Variants in SMAD4 observed in about 807,000 individuals in gnomAD.
SMAD4 encodes MAD homolog 4.
Under a neutral mutation model 63.2 loss-of-function variants are expected in SMAD4, and 7 were observed. The ratio of observed to expected loss-of-function variants is 0.11; its 90% CI spans 0.06 to 0.21. The LOEUF (loss-of-function observed/expected upper bound fraction) is 0.21, where lower values mean the gene tolerates loss of function less well. Among genes scored for constraint, SMAD4 ranks in the 10% least tolerant of loss-of-function variants. The probability of loss-of-function intolerance (pLI) is 1.00; values close to 1 mark genes in which losing one functional copy is unlikely to be tolerated. For synonymous variants in SMAD4, 215 were observed against 235.4 expected (o/e 0.91, Z 0.79); for missense variants, 312 against 693.8 (o/e 0.45, Z 6.18).
intron 1 of SMAD4, among the ~76,000 whole-genome samples, chr18:51,031,110 GTTTACTTTT>G (rs1909036895): frequency 6.6e-6 from 1 of 152,122 alleles, no homozygotes; most frequent in Non-Finnish European, 1.5e-5. Flanking sequence ...GCTTTGATAT[GTTTACTTTT>G]TGAGTACTGA....
At chr18:51,076,822 T>G (rs1568211245) in intron 11 of SMAD4, 46 bp downstream of exon 11, 1 of 1,430,672 alleles carries the variant, frequency 7.0e-7, no homozygotes, top group East Asian at 2.4e-5. Flanking sequence ...TAGTTGATAT[T>G]TTTATCTTGA....
chr18:51,036,792 G>A (rs1274994108), intron 1 of SMAD4, among the ~76,000 whole-genome samples: 1 of 152,218 alleles, frequency 6.6e-6, no homozygotes, highest in African/African-American at 2.4e-5. Flanking sequence ...GGCCTAACCT[G>A]CGGGGGATTT....
Position 51,083,440 on chromosome 18 carries a change from C to T in SMAD4, c.*4973C>T. On this transcript the variant is annotated 3_prime_UTR_variant, in exon 12 of 12. Coordinates refer to ENST00000342988, the MANE Select transcript of SMAD4 (RefSeq NM_005359.6). Reference sequence around the variant, plus strand: ...ATCAGACTGGAATGAATGAATGAAACTTTTTGTCCTTTTTTTTTCTGTTTT... The same window carrying T: ...ATCAGACTGGAATGAATGAATGAAATTTTTTGTCCTTTTTTTTTCTGTTTT... 4.4e-6 allele frequency: 1 copy of T among 226,946 alleles called. No homozygotes were observed. 14.1% of individuals were successfully genotyped at this position (226,946 alleles called of 1,614,324 possible).
At chr18:51,040,502 C>A (rs1038127041) in intron 1 of SMAD4, among the ~76,000 whole-genome samples, 64 of 152,042 alleles carry the variant, frequency 4.2e-4, no homozygotes, top group East Asian at 7.7e-4. Flanking sequence ...AAAACACTTA[C>A]AACTTCTAGA....
intron 1 of SMAD4, among the ~76,000 whole-genome samples, chr18:51,042,661 G>T (rs1284976804): frequency 6.6e-6 from 1 of 151,986 alleles, no homozygotes; most frequent in East Asian, 1.9e-4. Flanking sequence ...CTCTTAAAGT[G>T]CTGGGATTAC....
intron 4 of SMAD4, 50 bp from the exon 5 acceptor site, chr18:51,054,731 T>C (rs760578129): frequency 7.6e-7 from 1 of 1,311,364 alleles, no homozygotes; most frequent in South Asian, 1.2e-5. Flanking sequence ...TTTTTTTTTC[T>C]GGGAATAGAA....
chr18:51,054,696 G>A (rs1203477675), intron 4 of SMAD4, 85 bp from the exon 5 acceptor site: 1 of 852,978 alleles, frequency 1.2e-6, no homozygotes, highest in Non-Finnish European at 1.9e-6. Context: ...GATTTTAGGT[G>A]TTATTATATT....
At position 51,080,504 on chromosome 18, in the gene SMAD4, G is replaced by T. The variant is rs1485071359; in HGVS notation, c.*2037G>T. 4.5e-6 allele frequency: 1 copy of T among 220,312 alleles called. No individual in the cohort carries two copies. The highest frequency in any genetic ancestry group is 2.2e-5 in the African/African-American group (1 of 44,682). The allele number at this position is 220,312 out of a possible 1,614,324, so 13.6% of individuals were successfully genotyped here. A position where few individuals can be genotyped will look rare whatever the true frequency, so the allele number is the denominator to read the frequency against. ...ATAACAGATTTTTAAAAATCCAGAT[G>T]ATTTGATTAAAACCTTAATCATACA... On this transcript the variant is annotated 3_prime_UTR_variant, in exon 12 of 12. Transcript: ENST00000342988.
rs569545882 is a variant in SMAD4, at chr18:51,068,522, A to G, written c.1308+1335A>G. The stretch of plus-strand genomic sequence containing the variant: ...GCATCAATTCCCTGTTAAAATTTTC[A>G]ACAATAGAGCATCAGTTATAGTCTG... On this transcript the variant is annotated intron_variant, in intron 10 of 11. Coordinates refer to ENST00000342988, the MANE Select transcript of SMAD4 (RefSeq NM_005359.6). Among the ~76,000 whole-genome samples, 7 of 152,314 alleles carry G rather than the reference A, an allele frequency of 4.6e-5. No homozygotes were observed. The East Asian group carries it at 1.3e-3, about 29-fold the overall frequency.
rs1354338409 is a variant in SMAD4, at chr18:51,058,123, A to G, written c.668-2A>G. The G allele has an allele frequency of 6.2e-7, 1 of 1,614,120 alleles. No individual in the cohort carries two copies. The highest frequency in any genetic ancestry group is 1.7e-5 in the Admixed American group (1 of 60,018). ...CATGTTAATGTCTTCTTGTTCCTCT[A>G]GGTCAGCCTGCCAGTATACTGGGGG... On this transcript the variant is annotated splice_acceptor_variant, in intron 5 of 11. Coordinates refer to ENST00000342988, the MANE Select transcript of SMAD4 (RefSeq NM_005359.6). LOFTEE classifies it high-confidence loss of function.
chr18:51,040,241 G>A (rs543206147), intron 1 of SMAD4, among the ~76,000 whole-genome samples: 2 of 152,046 alleles, frequency 1.3e-5, no homozygotes, highest in South Asian at 4.1e-4. Flanking sequence ...CCTGGCCAAC[G>A]TGGTGAAACT....
At chr18:51,059,183 T>C (rs904455708) in intron 7 of SMAD4, among the ~76,000 whole-genome samples, 1 of 152,202 alleles carries the variant, frequency 6.6e-6, no homozygotes, top group African/African-American at 2.4e-5. Flanking sequence ...GTATTGTATA[T>C]ATCTTGCTTC....
intron 1 of SMAD4, among the ~76,000 whole-genome samples, chr18:51,039,375 G>A (rs1909305404): frequency 6.6e-6 from 1 of 152,126 alleles, no homozygotes; most frequent in South Asian, 2.1e-4. Flanking sequence ...TATATCCAGG[G>A]TTTCAAGCAG....
intron 2 of SMAD4, among the ~76,000 whole-genome samples, chr18:51,048,175 T>C (rs983024876): frequency 2.6e-5 from 4 of 152,200 alleles, no homozygotes; most frequent in Non-Finnish European, 5.9e-5. Flanking sequence ...TTTTATTTTT[T>C]TGAGACATGG....
intron 3 of SMAD4, 84 bp downstream of exon 3, chr18:51,048,944 A>G: frequency 8.1e-7 from 1 of 1,227,498 alleles, no homozygotes; most frequent in Non-Finnish European, 1.2e-6. Context: ...TTAAATTATA[A>G]ATTTGGAAGA....
intron 10 of SMAD4, 36 bp from the exon 11 acceptor site, chr18:51,076,602 T>C: frequency 6.2e-7 from 1 of 1,601,118 alleles, no homozygotes; most frequent in Non-Finnish European, 8.5e-7. Context: ...AATTTTTCTT[T>C]ATGAACTCAT....
intron 8 of SMAD4, 49 bp from the exon 9 acceptor site, chr18:51,065,374 C>T (rs1555686455): frequency 2.0e-6 from 3 of 1,498,796 alleles, no homozygotes; most frequent in Non-Finnish European, 1.9e-6. Context: ...AAGTGAAAGC[C>T]TTATATCTTT....
chr18:51,067,786 C>T (rs1465599704), intron 10 of SMAD4, among the ~76,000 whole-genome samples: 1 of 152,132 alleles, frequency 6.6e-6, no homozygotes, highest in African/African-American at 2.4e-5. Context: ...ATTCCTGTAA[C>T]TTGAAATTTG....
At chr18:51,030,658 C>G (rs1317060728) in intron 1 of SMAD4, 35 bp downstream of exon 1, 1 of 150,180 alleles carries the variant, frequency 6.7e-6, no homozygotes, top group Non-Finnish European at 1.5e-5. Flanking sequence ...TTCCCCCGGC[C>G]GGGCCCGCGC....
Sources: allele counts gnomAD v4.1 joint callset (sites outside exome capture counted in the v4.1 genomes callset), GRCh38; gene constraint gnomAD v4.1.1; transcripts MANE v1.5; gene names NCBI Gene and HGNC (gene_info 2026-07-23, HGNC 2026-07-21).